OR2C1: variants seen among roughly 807,000 people sequenced by gnomAD.
OR2C1 encodes olfactory receptor 2C1.
For synonymous variants in OR2C1, 209 were observed against 167.3 expected (o/e 1.25, Z -1.92); for missense variants, 468 against 388.3 (o/e 1.21, Z -1.73).
the OR2C1 span, among the ~76,000 whole-genome samples, chr16:3,350,055 CTT>C: frequency 1.1e-4 from 11 of 102,724 alleles, no homozygotes; most frequent in Admixed American, 2.6e-4. Flanking sequence ...AAAAGGGAAT[CTT>C]TTTTTTTTTT....
At chr16:3,353,733 A>G (rs527985467), upstream of OR2C1, among the ~76,000 whole-genome samples, 1 of 147,484 alleles carries the variant, frequency 6.8e-6, no homozygotes, top group East Asian at 2.1e-4. Flanking sequence ...CCTGGGAGGC[A>G]GAGGTTGCAG....
In OR2C1 at chr16:3,357,060, C is replaced by A; in HGVS notation, c.*181C>A. ...GGTTAGTGTTATTCGTAATGTTCTACACTTATTTACCAAAAATCCTACTGT... is the reference window on the plus strand; with the variant it reads ...GGTTAGTGTTATTCGTAATGTTCTAAACTTATTTACCAAAAATCCTACTGT... On this transcript the variant is annotated 3_prime_UTR_variant, in exon 1 of 1. Coordinates refer to ENST00000304936, the MANE Select transcript of OR2C1 (RefSeq NM_012368.3). 1.7e-6 allele frequency: 1 copy of A among 599,960 alleles called. No individual in the cohort carries two copies. Among genetic ancestry groups the A allele is most frequent in the Non-Finnish European group, 3.0e-6 (1 of 338,052 alleles). 37.2% of individuals were successfully genotyped at this position (599,960 alleles called of 1,614,324 possible).
At chr16:3,347,858 ACG>A in the OR2C1 span, among the ~76,000 whole-genome samples, 130,646 of 150,544 alleles carry the variant, frequency 0.87, 56,684 homozygotes, top group East Asian at 0.94. Context: ...ACACGCACAC[ACG>A]CGCACACACA....
At chr16:3,325,113 C>G in the OR2C1 span, among the ~76,000 whole-genome samples, 1 of 152,066 alleles carries the variant, frequency 6.6e-6, no homozygotes, top group South Asian at 2.1e-4. Context: ...TCTGAAGTAG[C>G]TGGGATTACA....
chr16:3,354,145 G>A (rs1482896799), upstream of OR2C1, among the ~76,000 whole-genome samples: 3 of 151,924 alleles, frequency 2.0e-5, no homozygotes, highest in African/African-American at 2.4e-5. Flanking sequence ...CACCATGCCC[G>A]ACAAATTTTT....
upstream of OR2C1, chr16:3,355,886 T>C (rs2030657758): frequency 1.5e-6 from 2 of 1,357,744 alleles, no homozygotes; most frequent in African/African-American, 2.9e-5. Flanking sequence ...TTCTTGACTT[T>C]TCTTCCAGCA....
At chr16:3,347,199 A>G in the OR2C1 span, among the ~76,000 whole-genome samples, 1 of 133,142 alleles carries the variant, frequency 7.5e-6, no homozygotes, top group African/African-American at 2.8e-5. Context: ...GTGAGCCAAG[A>G]TGGTGCCACT....
At chr16:3,355,031 C>T (rs1050855557), upstream of OR2C1, among the ~76,000 whole-genome samples, 1 of 152,104 alleles carries the variant, frequency 6.6e-6, no homozygotes, top group Non-Finnish European at 1.5e-5. Context: ...CTGAAGGGCT[C>T]TTCAGTTCTT....
At chr16:3,332,515 C>G in the OR2C1 span, among the ~76,000 whole-genome samples, 3 of 152,152 alleles carry the variant, frequency 2.0e-5, no homozygotes, top group South Asian at 4.1e-4. Context: ...ATCCTCCCCC[C>G]CACTACCCTT....
chr16:3,328,544 C>A, the OR2C1 span, among the ~76,000 whole-genome samples: 1 of 152,132 alleles, frequency 6.6e-6, no homozygotes, highest in Non-Finnish European at 1.5e-5. Context: ...GGAAAAACAA[C>A]CAAAAACCTA....
upstream of OR2C1, among the ~76,000 whole-genome samples, chr16:3,352,362 G>T (rs1300405991): frequency 6.6e-6 from 1 of 152,000 alleles, no homozygotes; most frequent in African/African-American, 2.4e-5. Context: ...TGATCCACCC[G>T]CCTCGGCCTC....
At chr16:3,345,769 C>G in the OR2C1 span, among the ~76,000 whole-genome samples, 5 of 149,396 alleles carry the variant, frequency 3.3e-5, no homozygotes, top group East Asian at 2.0e-4. Context: ...TTCTCTCTTT[C>G]TCTCCCTCTT....
chr16:3,338,736 A>AC, the OR2C1 span, among the ~76,000 whole-genome samples: 5 of 151,786 alleles, frequency 3.3e-5, no homozygotes, highest in Admixed American at 2.6e-4. Context: ...ACGGGGTTTC[A>AC]CGTGTTAGCC....
At chr16:3,329,442 C>T in the OR2C1 span, among the ~76,000 whole-genome samples, 6 of 151,916 alleles carry the variant, frequency 3.9e-5, no homozygotes, top group African/African-American at 1.2e-4. Context: ...AGAAACATTA[C>T]AGTAAATTAT....
the OR2C1 span, chr16:3,323,647 G>A: frequency 4.2e-6 from 3 of 711,006 alleles, no homozygotes; most frequent in African/African-American, 5.2e-5. Flanking sequence ...CAATCCTTTT[G>A]CTGCATACAA....
At chr16:3,326,612 G>A in the OR2C1 span, among the ~76,000 whole-genome samples, 1 of 152,178 alleles carries the variant, frequency 6.6e-6, no homozygotes, top group African/African-American at 2.4e-5. Context: ...GATCTGAGAG[G>A]TTCCTGATCC....
chr16:3,351,433 G>T (rs748095587), upstream of OR2C1, among the ~76,000 whole-genome samples: 1 of 151,750 alleles, frequency 6.6e-6, no homozygotes, highest in African/African-American at 2.4e-5. Context: ...CCTCATAATA[G>T]TGAAGACATT....
chr16:3,323,317 A>G, the OR2C1 span: 3 of 1,071,386 alleles, frequency 2.8e-6, no homozygotes, highest in African/African-American at 1.5e-5. Context: ...CAAAAGAACC[A>G]TGAGATCTCC....
chr16:3,323,258 G>T, the OR2C1 span: 1 of 797,122 alleles, frequency 1.3e-6, no homozygotes, highest in East Asian at 2.5e-5. Context: ...CCTTGAGGAA[G>T]CCCACTGTAT....
Sources: gnomAD v4.1 joint callset for allele counts (sites outside exome capture counted in the v4.1 genomes callset) on GRCh38, gnomAD v4.1.1 for gene constraint, MANE v1.5 for transcripts, NCBI Gene and HGNC (gene_info 2026-07-23, HGNC 2026-07-21) for gene names.